Variants in CNTNAP2 observed in about 807,000 individuals in gnomAD.
CNTNAP2 encodes the protein contactin-associated protein-like 2.
Under a neutral mutation model 155.2 loss-of-function variants are expected in CNTNAP2, and 98 were observed. The observed-to-expected ratio is 0.63, with a 90% CI of 0.54 to 0.75. The LOEUF is 0.75. Ranked by LOEUF, CNTNAP2 falls within the 30% of genes least tolerant of loss-of-function variation. The probability of loss-of-function intolerance (pLI) is 0.00; values close to 1 mark genes in which losing one functional copy is unlikely to be tolerated. For synonymous variants in CNTNAP2, 651 were observed against 631.2 expected, an observed-to-expected ratio of 1.03 and a Z score of -0.47; for missense variants, 1,727 against 1,688.1, an observed-to-expected ratio of 1.02 and a Z score of -0.40.
chr7:147,113,705 C>T (rs538848298), intron 5 of CNTNAP2, among the ~76,000 whole-genome samples: 1 of 152,248 alleles, frequency 6.6e-6, no homozygotes, highest in African/African-American at 2.4e-5. Context: ...ATTTGGATTA[C>T]AATTCAAGAT....
chr7:148,165,700 C>T (rs1309178350), intron 17 of CNTNAP2, among the ~76,000 whole-genome samples: 2 of 152,160 alleles, frequency 1.3e-5, no homozygotes, highest in Admixed American at 6.5e-5. Flanking sequence ...GAAGCCAACA[C>T]ATAGAAGTAG....
At chr7:147,047,330 C>T (rs1799385745) in intron 4 of CNTNAP2, among the ~76,000 whole-genome samples, 1 of 147,892 alleles carries the variant, frequency 6.8e-6, no homozygotes, top group Admixed American at 6.8e-5. Flanking sequence ...ACCATATTAG[C>T]CAGGATGGTC....
At chr7:146,670,593 G>A (rs891335011) in intron 1 of CNTNAP2, among the ~76,000 whole-genome samples, 8 of 152,160 alleles carry the variant, frequency 5.3e-5, no homozygotes, top group African/African-American at 1.9e-4. Flanking sequence ...CTTGGGAAGT[G>A]AATAGAAGCA....
rs111956290 is a variant in CNTNAP2 at position 148,225,762 on chromosome 7, A to C, written c.3248-3884A>C. Among the ~76,000 whole-genome samples the C allele has an allele frequency of 9.8e-3, 1,489 of 152,292 alleles. 23 individuals are homozygous for C. Among genetic ancestry groups the C allele is most frequent in the Middle Eastern group, 0.041 (12 of 294 alleles). On this transcript the variant is annotated intron_variant, in intron 19 of 23. Transcript: ENST00000361727. ...GAGATGGAGATGGCGACAAGTGGTA[A>C]GATTCAGGGCATATTTTGAAGATCA...
intron 1 of CNTNAP2, among the ~76,000 whole-genome samples, chr7:146,244,374 T>C (rs1399669214): frequency 6.6e-6 from 1 of 151,214 alleles, no homozygotes; most frequent in African/African-American, 2.5e-5. Flanking sequence ...AGACACAAGA[T>C]AGTAGGAATG....
chr7:147,511,259 A>T (rs1799015553), intron 11 of CNTNAP2, among the ~76,000 whole-genome samples: 1 of 151,822 alleles, frequency 6.6e-6, no homozygotes, highest in Non-Finnish European at 1.5e-5. Context: ...GTGAATACCG[A>T]CCTTTCACAC....
At chr7:146,163,539 A>G (rs187425827) in intron 1 of CNTNAP2, among the ~76,000 whole-genome samples, 124 of 144,882 alleles carry the variant, frequency 8.6e-4, no homozygotes, top group African/African-American at 3.0e-3. Flanking sequence ...ATATATATCT[A>G]TATCTATATA....
Position 147,485,797 on chromosome 7 carries a change from T to C in CNTNAP2, c.1671-138T>C. ...TCTTTCATGAATCATATTAATCTGC[T>C]TAAACTAACAAGGATTAATTGCCTT... On this transcript the variant is annotated intron_variant, in intron 10 of 23. Transcript: ENST00000361727. 4.9e-6 allele frequency: 4 copies of C among 808,864 alleles called. No homozygotes were observed. The Admixed American group carries it at 5.4e-5, about 11-fold the overall frequency. The allele number at this position is 808,864 out of a possible 1,614,324, so 50.1% of individuals were successfully genotyped here.
chr7:147,363,490 A>C (rs1796177780), intron 9 of CNTNAP2, among the ~76,000 whole-genome samples: 1 of 152,220 alleles, frequency 6.6e-6, no homozygotes, highest in Admixed American at 6.5e-5. Flanking sequence ...ATATTTTTCT[A>C]ACTGCACATT....
intron 23 of CNTNAP2, among the ~76,000 whole-genome samples, chr7:148,413,836 T>TAAAA (rs1554432457): frequency 1.3e-5 from 2 of 151,310 alleles, no homozygotes; most frequent in African/African-American, 4.9e-5. Context: ...TCATTTCTAC[T>TAAAA]AACAACCTTG....
In CNTNAP2 at chr7:148,365,770, A is replaced by G. The variant is rs1401579199; in HGVS notation, c.3476-17879A>G. ...TGTATACATGTATGTGTATACGTGT[A>G]TACATGTATGTGTATGCATGTATAC... On this transcript the variant is annotated intron_variant, in intron 21 of 23. Coordinates refer to ENST00000361727, the MANE Select transcript of CNTNAP2 (RefSeq NM_014141.6). Among the ~76,000 whole-genome samples, 207 of 92,070 alleles carry G rather than the reference A, an allele frequency of 2.2e-3. 46 individuals carry two copies. The highest frequency in any genetic ancestry group is 7.9e-3 in the African/African-American group (198 of 25,092). 60.4% of individuals were successfully genotyped at this position (92,070 alleles called of 152,430 possible). A position where few individuals can be genotyped will look rare whatever the true frequency, so the allele number is the denominator to read the frequency against.
At chr7:148,313,314 G>A (rs936691875) in intron 21 of CNTNAP2, among the ~76,000 whole-genome samples, 7 of 151,388 alleles carry the variant, frequency 4.6e-5, no homozygotes, top group African/African-American at 1.5e-4. Flanking sequence ...GGCAGCGTCC[G>A]TCTTCAGCCA....
At chr7:147,650,629 AATAT>A (rs1277084910) in intron 13 of CNTNAP2, among the ~76,000 whole-genome samples, 1 of 152,110 alleles carries the variant, frequency 6.6e-6, no homozygotes. Context: ...TACAGAATAT[AATAT>A]ATATAACATA....
At chr7:148,249,275 G>C (rs943189191) in intron 20 of CNTNAP2, among the ~76,000 whole-genome samples, 28 of 152,166 alleles carry the variant, frequency 1.8e-4, no homozygotes, top group African/African-American at 6.5e-4. Flanking sequence ...TTCTCCTGCT[G>C]CTCCACTTAA....
intron 2 of CNTNAP2, among the ~76,000 whole-genome samples, chr7:146,817,427 G>A (rs775826666): frequency 2.6e-5 from 4 of 151,558 alleles, no homozygotes; most frequent in African/African-American, 4.9e-5. Flanking sequence ...AGCCGAGATC[G>A]TGCCACTGCA....
intron 1 of CNTNAP2, among the ~76,000 whole-genome samples, chr7:146,133,941 T>G (rs1379356748): frequency 6.6e-6 from 1 of 151,482 alleles, no homozygotes; most frequent in African/African-American, 2.4e-5. Context: ...TTTTTTCCAA[T>G]TCTGTGAAGA....
intron 21 of CNTNAP2, among the ~76,000 whole-genome samples, chr7:148,355,514 A>C (rs1331919336): frequency 6.6e-6 from 1 of 152,132 alleles, no homozygotes; most frequent in Non-Finnish European, 1.5e-5. Flanking sequence ...CACCCAGTAC[A>C]TCACCTTTAC....
intron 3 of CNTNAP2, among the ~76,000 whole-genome samples, chr7:146,854,471 C>T (rs931083018): frequency 2.0e-5 from 3 of 151,976 alleles, no homozygotes; most frequent in Non-Finnish European, 2.9e-5. Context: ...TGAAAGAAAC[C>T]AGGAACTGTT....
At chr7:146,869,245 A>G (rs1310883175) in intron 3 of CNTNAP2, among the ~76,000 whole-genome samples, 3 of 152,162 alleles carry the variant, frequency 2.0e-5, no homozygotes, top group Admixed American at 6.6e-5. Context: ...AATTTTATTG[A>G]AAGCCTTTTA....
Sources: gnomAD v4.1 joint callset for allele counts (sites outside exome capture counted in the v4.1 genomes callset) on GRCh38, gnomAD v4.1.1 for gene constraint, MANE v1.5 for transcripts, NCBI Gene and HGNC (gene_info 2026-07-23, HGNC 2026-07-21) for gene names.